The following CD55 variants were observed in gnomAD, a reference collection of about 807,000 sequenced individuals.
The protein encoded by CD55 is complement decay-accelerating factor.
In CD55, 41 loss-of-function variants were observed where a neutral mutation model predicts 45.8. The observed-to-expected ratio is 0.90, with a 90% CI of 0.70 to 1.16. The LOEUF (loss-of-function observed/expected upper bound fraction) is 1.16, where lower values mean the gene tolerates loss of function less well. Among genes scored for constraint, CD55 ranks in the 50% most tolerant of loss-of-function variants. CD55 has a pLI of 0.00. For missense variants in CD55, 416 were observed against 469.8 expected, an observed-to-expected ratio of 0.89 and a Z score of 1.06; for synonymous variants, 181 against 181.1, an observed-to-expected ratio of 1.00 and a Z score of 0.01.
intron 9 of CD55, among the ~76,000 whole-genome samples, chr1:207,358,899 C>T (rs1049823784): frequency 6.6e-6 from 1 of 151,980 alleles, no homozygotes; most frequent in African/African-American, 2.4e-5. Context: ...CACAAATATT[C>T]GGGGGGAAAG....
At chr1:207,348,178 C>G (rs781569822) in intron 9 of CD55, among the ~76,000 whole-genome samples, 25 of 152,186 alleles carry the variant, frequency 1.6e-4, no homozygotes, top group Non-Finnish European at 3.5e-4. Context: ...TAATTACATT[C>G]CCACCAGCAA....
chr1:207,348,356 A>G (rs537875161), intron 9 of CD55, among the ~76,000 whole-genome samples: 1 of 152,124 alleles, frequency 6.6e-6, no homozygotes, highest in South Asian at 2.1e-4. Flanking sequence ...TGTTGGCCTC[A>G]TGTATGTCTT....
chr1:207,341,522 A>G (rs1655425019), intron 9 of CD55, among the ~76,000 whole-genome samples: 1 of 152,072 alleles, frequency 6.6e-6, no homozygotes, highest in Non-Finnish European at 1.5e-5. Flanking sequence ...CCATTTTCCA[A>G]TGTATGTTCT....
chr1:207,336,894 A>G, intron 7 of CD55, 76 bp downstream of exon 7: 3 of 1,528,354 alleles, frequency 2.0e-6, no homozygotes, highest in Admixed American at 3.4e-5. Flanking sequence ...CCAACTCCTC[A>G]GAAACCCACC....
chr1:207,356,660 A>G (rs1656087927), intron 9 of CD55, among the ~76,000 whole-genome samples: 1 of 152,212 alleles, frequency 6.6e-6, no homozygotes, highest in Non-Finnish European at 1.5e-5. Flanking sequence ...CCTACCTCAT[A>G]TGATTATAAT....
chr1:207,346,075 G>A (rs28739003), intron 9 of CD55, among the ~76,000 whole-genome samples: 3,032 of 152,322 alleles, frequency 0.02, 104 homozygotes, highest in African/African-American at 0.067. Flanking sequence ...CAGAAATGGC[G>A]GGTGACCTGG....
At chr1:207,347,353 G>C in intron 9 of CD55, 1 of 378,500 alleles carries the variant, frequency 2.6e-6, no homozygotes, top group Non-Finnish European at 5.3e-6. Context: ...TCTGCCTCCC[G>C]GGTTCACGCC....
At chr1:207,356,763 A>C (rs1021173828) in intron 9 of CD55, among the ~76,000 whole-genome samples, 5 of 152,200 alleles carry the variant, frequency 3.3e-5, no homozygotes, top group Admixed American at 6.5e-5. Context: ...CAGCACACAC[A>C]CACATCAGTA....
At chr1:207,335,351 A>T (rs1655122767) in intron 6 of CD55, among the ~76,000 whole-genome samples, 1 of 152,170 alleles carries the variant, frequency 6.6e-6, no homozygotes, top group Non-Finnish European at 1.5e-5. Flanking sequence ...TATTTACCAA[A>T]ATTGACCCTT....
intron 6 of CD55, among the ~76,000 whole-genome samples, chr1:207,332,499 A>G (rs1460663970): frequency 5.3e-5 from 8 of 152,256 alleles, no homozygotes; most frequent in Admixed American, 5.2e-4. Flanking sequence ...CCACTGATAC[A>G]ACATCATTGT....
chr1:207,359,408 A>G, intron 9 of CD55, 138 bp from the exon 10 acceptor site: 1 of 752,460 alleles, frequency 1.3e-6, no homozygotes, highest in South Asian at 2.1e-5. Flanking sequence ...ATTACTCATT[A>G]TTTTTTTTGT....
chr1:207,324,590 T>C lies in CD55; in HGVS notation c.318T>C (p.Ser106=), dbSNP rs1032962773. The C allele has an allele frequency of 6.3e-7, 1 of 1,591,628 alleles. No individual in the cohort carries two copies. The highest frequency in any genetic ancestry group is 8.5e-7 in the Non-Finnish European group (1 of 1,169,938). ...GCGAGGTGCCAACAAGGCTAAATTC[T>C]GCATCCCTCAAACAGCCTTATATCA... is the stretch of plus-strand genomic sequence containing the variant. The part of the protein sequence containing the change: ...RSCEVPTRLN[S]ASLKQPYITQ... The change falls in exon 3 of 10, where the codon TCT becomes TCC. Residue 106 remains serine (S), a synonymous_variant. Coordinates refer to ENST00000367064, the MANE Select transcript of CD55 (RefSeq NM_000574.5).
At chr1:207,333,816 A>T (rs1374544288) in intron 6 of CD55, among the ~76,000 whole-genome samples, 1 of 152,178 alleles carries the variant, frequency 6.6e-6, no homozygotes. Flanking sequence ...AAGATCGGTT[A>T]AAAATACCCA....
intron 9 of CD55, among the ~76,000 whole-genome samples, chr1:207,349,794 C>A (rs1655791839): frequency 6.6e-6 from 1 of 152,156 alleles, no homozygotes; most frequent in Non-Finnish European, 1.5e-5. Context: ...TAGGTTTAAA[C>A]TCATATCATC....
rs1334012133 is a variant in CD55 at position 207,359,839 on chromosome 1, T to C, written c.*229T>C. 5.2e-6 allele frequency: 2 copies of C among 387,192 alleles called. No homozygotes were observed. Among genetic ancestry groups the C allele is most frequent in the East Asian group, 7.8e-5 (2 of 25,548 alleles). 24.0% of individuals were successfully genotyped at this position (387,192 alleles called of 1,614,324 possible). On this transcript the variant is annotated 3_prime_UTR_variant, in exon 10 of 10. Coordinates refer to ENST00000367064, the MANE Select transcript of CD55 (RefSeq NM_000574.5). ...CTTGAAAATAGAACAACTTGCAGAATTGAGAGTGATTCCTTTCCTAAAAGT... is the reference window on the plus strand; with the variant it reads ...CTTGAAAATAGAACAACTTGCAGAACTGAGAGTGATTCCTTTCCTAAAAGT...
At chr1:207,341,873 G>A (rs1002120770) in intron 9 of CD55, among the ~76,000 whole-genome samples, 4 of 151,958 alleles carry the variant, frequency 2.6e-5, no homozygotes, top group East Asian at 1.9e-4. Context: ...CTTCCAGTCC[G>A]TGAGCATGGG....
rs766454166 is a variant in CD55 at position 207,331,165 on chromosome 1, AC to A, written c.724del (p.His242IlefsTer8). The A allele has an allele frequency of 1.2e-6, 2 of 1,613,676 alleles. No individual in the cohort carries two copies. The highest frequency in any genetic ancestry group is 2.7e-5 in the African/African-American group (2 of 75,036). ...IDNGIIQGER[D>X]HYGYRQSVTY... ...AATGGAATAATTCAAGGGGAACGTG[AC>A]CATTATGGATATAGACAGTCTGTAA... On this transcript the variant is annotated frameshift_variant, in exon 6 of 10. Coordinates refer to ENST00000367064, the MANE Select transcript of CD55 (RefSeq NM_000574.5). LOFTEE classifies it high-confidence loss of function.
At chr1:207,335,333 G>A (rs536281138) in intron 6 of CD55, among the ~76,000 whole-genome samples, 5 of 152,140 alleles carry the variant, frequency 3.3e-5, no homozygotes, top group African/African-American at 7.2e-5. Context: ...TTTCAAGTGC[G>A]CATGGGCTAT....
chr1:207,322,158 G>C (rs905159251), intron 1 of CD55: 2 of 688,950 alleles, frequency 2.9e-6, no homozygotes, highest in African/African-American at 3.5e-5. Context: ...GGCTCAAAGA[G>C]ACTGTATCCT....
Sources: allele counts gnomAD v4.1 joint callset (sites outside exome capture counted in the v4.1 genomes callset), GRCh38; gene constraint gnomAD v4.1.1; transcripts MANE v1.5; gene names NCBI Gene and HGNC (gene_info 2026-07-23, HGNC 2026-07-21).